TFPI: variants seen among roughly 807,000 people sequenced by gnomAD.
TFPI encodes the protein tissue factor pathway inhibitor, also known as anti-convertin.
TFPI carries 15 observed loss-of-function variants against 34.6 expected under a neutral mutation model. The ratio of observed to expected loss-of-function variants is 0.43; its 90% CI spans 0.29 to 0.67. The LOEUF (loss-of-function observed/expected upper bound fraction) is 0.67. Ranked by LOEUF, TFPI falls within the 30% of genes least tolerant of loss-of-function variation. TFPI has a pLI of 0.15. For synonymous variants in TFPI, 105 were observed against 120.1 expected, an observed-to-expected ratio of 0.87 and a Z score of 0.82; for missense variants, 301 against 364.0, an observed-to-expected ratio of 0.83 and a Z score of 1.41.
intron 2 of TFPI, among the ~76,000 whole-genome samples, 170 bp downstream of exon 2, chr2:187,503,462 TACACACACACACACAC>T (rs138349562): frequency 2.1e-5 from 3 of 142,214 alleles, no homozygotes; most frequent in African/African-American, 5.2e-5. Context: ...CATGTGCATG[TACACACACACACACAC>T]ACACACACAC....
chr2:187,477,846 A>C (rs1692486094), intron 6 of TFPI, among the ~76,000 whole-genome samples: 1 of 152,174 alleles, frequency 6.6e-6, no homozygotes, highest in African/African-American at 2.4e-5. Context: ...TCATACATTG[A>C]ATACATTCAG....
chr2:187,520,010 T>C (rs1328768251), intron 1 of TFPI: 2 of 152,190 alleles, frequency 1.3e-5, no homozygotes, highest in African/African-American at 2.4e-5. Flanking sequence ...ACCAAGCTAG[T>C]GCGTCCCAGG....
At chr2:187,513,651 A>G (rs1205450122) in intron 1 of TFPI, 1 of 152,652 alleles carries the variant, frequency 6.6e-6, no homozygotes, top group Non-Finnish European at 1.5e-5. Flanking sequence ...CTGTTCCTAC[A>G]ATGGAAAGGG....
chr2:187,552,472 T>C (rs1328110312), intron 1 of TFPI, among the ~76,000 whole-genome samples: 1 of 152,132 alleles, frequency 6.6e-6, no homozygotes, highest in Non-Finnish European at 1.5e-5. Context: ...TATGTATTAT[T>C]AATTTAACAA....
intron 1 of TFPI, among the ~76,000 whole-genome samples, chr2:187,542,427 G>A (rs1043765545): frequency 1.3e-5 from 2 of 151,888 alleles, no homozygotes; most frequent in Non-Finnish European, 2.9e-5. Flanking sequence ...ATAGGAAGAC[G>A]AAAAATTTCT....
intron 1 of TFPI, among the ~76,000 whole-genome samples, chr2:187,530,387 TACC>T (rs1237021792): frequency 6.6e-6 from 1 of 152,194 alleles, no homozygotes; most frequent in Non-Finnish European, 1.5e-5. Flanking sequence ...ATGTAATATT[TACC>T]ACAAGATTTT....
intron 1 of TFPI, among the ~76,000 whole-genome samples, chr2:187,508,027 A>G (rs1686349124): frequency 6.6e-6 from 1 of 152,324 alleles, no homozygotes; most frequent in East Asian, 1.9e-4. Flanking sequence ...TTTTCTGCAC[A>G]TGGCTAGTCA....
intron 1 of TFPI, among the ~76,000 whole-genome samples, chr2:187,504,819 C>G (rs1228792506): frequency 2.0e-5 from 3 of 152,070 alleles, no homozygotes; most frequent in African/African-American, 2.4e-5. Context: ...AGAGAATTAT[C>G]TGGTTTTGTC....
chr2:187,547,488 T>C (rs1688927035), intron 1 of TFPI: 1 of 152,138 alleles, frequency 6.6e-6, no homozygotes, highest in South Asian at 2.1e-4. Flanking sequence ...GGGAGGGGTC[T>C]GAGTTTGGTT....
intron 6 of TFPI, among the ~76,000 whole-genome samples, chr2:187,469,560 A>C (rs2105949211): frequency 6.6e-6 from 1 of 152,262 alleles, no homozygotes; most frequent in East Asian, 1.9e-4. Context: ...GTAGTGAAGC[A>C]GATTAACATA....
At chr2:187,469,414 C>T (rs1274575684) in intron 6 of TFPI, among the ~76,000 whole-genome samples, 1 of 152,056 alleles carries the variant, frequency 6.6e-6, no homozygotes, top group African/African-American at 2.4e-5. Context: ...CGTTTTAAAT[C>T]ATATGTAGCC....
intron 3 of TFPI, among the ~76,000 whole-genome samples, chr2:187,489,163 C>T (rs1684929179): frequency 6.6e-6 from 1 of 150,940 alleles, no homozygotes; most frequent in Admixed American, 6.6e-5. Context: ...CGTTATATGA[C>T]CAGAGAGATA....
intron 6 of TFPI, among the ~76,000 whole-genome samples, chr2:187,477,119 A>G (rs957100736): frequency 6.6e-6 from 1 of 152,236 alleles, no homozygotes; most frequent in Non-Finnish European, 1.5e-5. Flanking sequence ...TGTTAAGACT[A>G]AAGATGGTCC....
At chr2:187,545,326 C>T (rs948862928) in intron 1 of TFPI, among the ~76,000 whole-genome samples, 3 of 152,098 alleles carry the variant, frequency 2.0e-5, no homozygotes, top group African/African-American at 7.2e-5. Flanking sequence ...TATGTTACAA[C>T]ACAATAGCAT....
chr2:187,524,156 T>C (rs1305339263), intron 1 of TFPI, among the ~76,000 whole-genome samples: 1 of 152,110 alleles, frequency 6.6e-6, no homozygotes, highest in African/African-American at 2.4e-5. Flanking sequence ...CATCAGTTAA[T>C]GAAAATTTTT....
chr2:187,511,675 G>T (rs369766529), intron 1 of TFPI, among the ~76,000 whole-genome samples: 1 of 152,112 alleles, frequency 6.6e-6, no homozygotes, highest in Non-Finnish European at 1.5e-5. Flanking sequence ...TGTTTCAAAG[G>T]TATGGCACAA....
intron 6 of TFPI, among the ~76,000 whole-genome samples, chr2:187,477,812 A>G (rs1429847755): frequency 6.6e-6 from 1 of 152,176 alleles, no homozygotes; most frequent in Non-Finnish European, 1.5e-5. Context: ...TTTTTTCCAC[A>G]TAAATGGAAT....
chr2:187,551,891 G>C (rs1201836673), intron 1 of TFPI, among the ~76,000 whole-genome samples: 1 of 152,068 alleles, frequency 6.6e-6, no homozygotes, highest in African/African-American at 2.4e-5. Flanking sequence ...AATTGCTATA[G>C]ATGGTAAACA....
intron 1 of TFPI, among the ~76,000 whole-genome samples, chr2:187,510,586 G>A (rs1559132213): frequency 6.6e-6 from 1 of 152,178 alleles, no homozygotes; most frequent in Non-Finnish European, 1.5e-5. Flanking sequence ...AAATCCACAG[G>A]CAGGCAGCCC....
Sources: gnomAD v4.1 joint callset for allele counts (sites outside exome capture counted in the v4.1 genomes callset) on GRCh38, gnomAD v4.1.1 for gene constraint, MANE v1.5 for transcripts, NCBI Gene and HGNC (gene_info 2026-07-23, HGNC 2026-07-21) for gene names.